SLC25A26: variants seen among roughly 807,000 people sequenced by gnomAD.
SLC25A26 encodes the protein solute carrier family 25 member 26.
SLC25A26 carries 36 observed loss-of-function variants against 37.8 expected under a neutral mutation model. The observed-to-expected ratio is 0.95, with a 90% CI of 0.73 to 1.26. The LOEUF is 1.26. SLC25A26 is among the 50% of genes most tolerant of loss of function. SLC25A26 has a pLI of 0.00. For missense variants in SLC25A26, 390 were observed against 331.1 expected (o/e 1.18, Z -1.38); for synonymous variants, 129 against 122.5 (o/e 1.05, Z -0.35).
chr3:66,277,833 T>C (rs2074208968), intron 5 of SLC25A26, among the ~76,000 whole-genome samples: 1 of 152,140 alleles, frequency 6.6e-6, no homozygotes, highest in Admixed American at 6.6e-5. Flanking sequence ...ATGTCACTTC[T>C]TTGGTCTTCT....
chr3:66,271,534 A>C (rs1419690732), intron 5 of SLC25A26, among the ~76,000 whole-genome samples: 1 of 152,132 alleles, frequency 6.6e-6, no homozygotes, highest in African/African-American at 2.4e-5. Flanking sequence ...CGAAAACAAA[A>C]ACTTTCCTGG....
intron 5 of SLC25A26, among the ~76,000 whole-genome samples, chr3:66,317,081 C>T (rs2075560302): frequency 6.6e-6 from 1 of 152,186 alleles, no homozygotes; most frequent in African/African-American, 2.4e-5. Context: ...TCATTACTAC[C>T]CATCTTCTGA....
At chr3:66,155,931 C>T (rs1260215923) in intron 1 of SLC25A26, among the ~76,000 whole-genome samples, 1 of 152,198 alleles carries the variant, frequency 6.6e-6, no homozygotes, top group African/African-American at 2.4e-5. Context: ...TAAGCACTGA[C>T]TTCGACTTAG....
intron 5 of SLC25A26, among the ~76,000 whole-genome samples, chr3:66,337,649 T>A (rs2076120777): frequency 6.6e-6 from 1 of 152,120 alleles, no homozygotes; most frequent in Non-Finnish European, 1.5e-5. Flanking sequence ...TCCAAATTGT[T>A]AATGACAGTT....
At chr3:66,170,791 GTTTTTTTT>G (rs36147154) in intron 1 of SLC25A26, among the ~76,000 whole-genome samples, 5 of 50,902 alleles carry the variant, frequency 9.8e-5, no homozygotes, top group Non-Finnish European at 1.4e-4. Flanking sequence ...TGTGATTATT[GTTTTTTTT>G]TTTTTTTTTT....
intron 1 of SLC25A26, among the ~76,000 whole-genome samples, chr3:66,202,326 A>G (rs1048144814): frequency 3.3e-5 from 5 of 152,022 alleles, no homozygotes; most frequent in African/African-American, 1.2e-4. Flanking sequence ...AGACATGCAT[A>G]TAGGGAGGGG....
Position 66,321,377 on chromosome 3 carries a change from G to A in SLC25A26, c.454-24987G>A, listed in dbSNP as rs556423064. 5.3e-5 allele frequency among the ~76,000 whole-genome samples: 8 copies of A among 152,230 alleles called. No individual in the cohort carries two copies. The East Asian group carries it at 1.5e-3, about 29-fold the overall frequency. On this transcript the variant is annotated intron_variant, in intron 5 of 9. Coordinates refer to ENST00000354883, the MANE Select transcript of SLC25A26 (RefSeq NM_001379210.1). Reference sequence around the variant, plus strand: ...CTCAGTTGCAGTGTTATCCCTTCTGGAAAGGCTCCCCCTGCCCCAGTCACC... The same window carrying A: ...CTCAGTTGCAGTGTTATCCCTTCTGAAAAGGCTCCCCCTGCCCCAGTCACC...
At chr3:66,353,281 G>C (rs1359595721) in intron 6 of SLC25A26, among the ~76,000 whole-genome samples, 4 of 152,206 alleles carry the variant, frequency 2.6e-5, no homozygotes, top group African/African-American at 9.7e-5. Context: ...ATTTTTCAAA[G>C]CTACAGTGTG....
chr3:66,139,402 A>G (rs999306621), intron 1 of SLC25A26, among the ~76,000 whole-genome samples: 2 of 152,258 alleles, frequency 1.3e-5, no homozygotes, highest in African/African-American at 2.4e-5. Flanking sequence ...CAATAAAAAG[A>G]AAGCAAGATA....
At chr3:66,278,621 A>G (rs2074235598) in intron 5 of SLC25A26, among the ~76,000 whole-genome samples, 1 of 152,170 alleles carries the variant, frequency 6.6e-6, no homozygotes, top group African/African-American at 2.4e-5. Flanking sequence ...GTCTCATCCT[A>G]GCATTCCAGT....
chr3:66,370,656 T>C, intron 9 of SLC25A26, 54 bp downstream of exon 9: 3 of 1,436,620 alleles, frequency 2.1e-6, no homozygotes, highest in Non-Finnish European at 2.9e-6. Flanking sequence ...TCCTCCTCCT[T>C]TAGCCTAACT....
intron 1 of SLC25A26, among the ~76,000 whole-genome samples, chr3:66,172,407 A>G (rs1172789078): frequency 7.1e-6 from 1 of 141,326 alleles, no homozygotes; most frequent in Non-Finnish European, 1.5e-5. Context: ...TGATACCTGT[A>G]AAGAAAAAAA....
chr3:66,344,696 C>G (rs2076280997), intron 5 of SLC25A26, among the ~76,000 whole-genome samples: 1 of 152,232 alleles, frequency 6.6e-6, no homozygotes, highest in South Asian at 2.1e-4. Context: ...TGGGCTGTGA[C>G]TGGACATTAC....
intron 5 of SLC25A26, among the ~76,000 whole-genome samples, chr3:66,280,363 G>A (rs2074295641): frequency 6.6e-6 from 1 of 152,068 alleles, no homozygotes; most frequent in Non-Finnish European, 1.5e-5. Flanking sequence ...TGCCAACTGA[G>A]TAATTGGAAA....
In SLC25A26 at chr3:66,299,599, T is replaced by G. The variant is rs141629821; in HGVS notation, c.453+36220T>G. ...TCCGTAGTCCATATTTATTATTGCT[T>G]CTTTCACTTTTCTCCTTTCTTCATG... On this transcript the variant is annotated intron_variant, in intron 5 of 9. Transcript: ENST00000354883. 1.4e-4 allele frequency among the ~76,000 whole-genome samples: 22 copies of G among 152,358 alleles called. No individual in the cohort carries two copies. In the East Asian group the frequency reaches 4.0e-3, roughly 28 times the overall value.
chr3:66,248,847 G>C (rs577789949), intron 3 of SLC25A26, among the ~76,000 whole-genome samples: 2 of 152,306 alleles, frequency 1.3e-5, no homozygotes, highest in East Asian at 3.9e-4. Flanking sequence ...CATCAGTTGC[G>C]TAGGTAGCTA....
At position 66,205,613 on chromosome 3, in the gene SLC25A26, G is replaced by A. The variant is rs1044940731; in HGVS notation, c.-353-15129G>A. ...GCATACTTTATTGCATAGCTGGGAGGCAGTTCAATTTTCTATCACTTTGTC... is the reference window on the plus strand; with the variant it reads ...GCATACTTTATTGCATAGCTGGGAGACAGTTCAATTTTCTATCACTTTGTC... On this transcript the variant is annotated intron_variant, in intron 1 of 10. Transcript: ENST00000676754. Among the ~76,000 whole-genome samples, 46 of 152,314 alleles carry A rather than the reference G, an allele frequency of 3.0e-4. No homozygotes were observed. The South Asian group carries it at 3.9e-3, about 13-fold the overall frequency.
chr3:66,350,623 T>G (rs782753), intron 6 of SLC25A26, among the ~76,000 whole-genome samples: 83,362 of 151,860 alleles, frequency 0.55, 25,031 homozygotes, highest in African/African-American at 0.79. Context: ...TCTAAAACAT[T>G]AAGTTCTTGG....
intron 5 of SLC25A26, among the ~76,000 whole-genome samples, chr3:66,297,685 G>C (rs1028630073): frequency 1.3e-5 from 2 of 152,306 alleles, no homozygotes; most frequent in East Asian, 1.9e-4. Context: ...TTGGCATGCA[G>C]CCACTTTCTT....
Sources: allele counts gnomAD v4.1 joint callset (sites outside exome capture counted in the v4.1 genomes callset), GRCh38; gene constraint gnomAD v4.1.1; transcripts MANE v1.5; gene names NCBI Gene and HGNC (gene_info 2026-07-23, HGNC 2026-07-21).